Variants in ATF7IP observed in about 807,000 individuals in gnomAD.
The protein encoded by ATF7IP is activating transcription factor 7 interacting protein, also known as activating transcription factor 7-interacting protein 1.
ATF7IP carries 23 observed loss-of-function variants against 106.4 expected under a neutral mutation model. The ratio of observed to expected loss-of-function variants is 0.22; its 90% confidence interval spans 0.16 to 0.31. ATF7IP has a LOEUF of 0.31. ATF7IP is among the 10% of genes least tolerant of loss of function. The pLI is 1.00. For missense variants in ATF7IP, 1,334 were observed against 1,524.3 expected (o/e 0.88, Z 2.08); for synonymous variants, 542 against 539.0 (o/e 1.01, Z -0.08).
chr12:14,421,192 C>T (rs1565495437), intron 1 of ATF7IP, among the ~76,000 whole-genome samples: 1 of 152,036 alleles, frequency 6.6e-6, no homozygotes, highest in Admixed American at 6.6e-5. Context: ...AGTAAGTTTC[C>T]TTGTATTCTT....
chr12:14,435,145 A>G (rs1942344210), intron 3 of ATF7IP, among the ~76,000 whole-genome samples: 1 of 151,922 alleles, frequency 6.6e-6, no homozygotes, highest in African/African-American at 2.4e-5. Context: ...GAAGGAAGGA[A>G]GGAAGGAAAA....
In ATF7IP at chr12:14,425,316, G is replaced by A. The variant is rs758800040; in HGVS notation, c.1401G>A (p.Leu467=). Residue 467 remains leucine, a synonymous_variant, in exon 2 of 15, where the codon TTG becomes TTA. Transcript: ENST00000261168. The part of the protein sequence containing the change: ...LLPIDETNPD[L]EEKMESSFGS... Reference sequence around the variant, plus strand: ...CAATCGATGAGACAAATCCAGATTTGGAAGAGAAAATGGAAAGTTCTTTTG... The same window carrying A: ...CAATCGATGAGACAAATCCAGATTTAGAAGAGAAAATGGAAAGTTCTTTTG... 1.1e-5 allele frequency: 18 copies of A among 1,608,606 alleles called. No individual in the cohort carries two copies. The highest frequency in any genetic ancestry group is 4.0e-5 in the African/African-American group (3 of 74,528).
intron 1 of ATF7IP, among the ~76,000 whole-genome samples, chr12:14,401,831 A>C (rs2136465527): frequency 6.8e-6 from 1 of 147,034 alleles, no homozygotes; most frequent in South Asian, 2.1e-4. Flanking sequence ...CTCCTGCCTC[A>C]GCCTCCCGAG....
chr12:14,476,791 G>T (rs1944278551), intron 11 of ATF7IP, among the ~76,000 whole-genome samples: 1 of 152,092 alleles, frequency 6.6e-6, no homozygotes, highest in African/African-American at 2.4e-5. Flanking sequence ...AAAAATAGAA[G>T]TAATTTCTAA....
chr12:14,456,672 A>G, intron 7 of ATF7IP, 38 bp downstream of exon 7: 2 of 1,382,200 alleles, frequency 1.4e-6, no homozygotes, highest in East Asian at 2.3e-5. Flanking sequence ...TAAAAACAGA[A>G]CAAAGTTCTA....
At chr12:14,458,202 C>T (rs1243258823) in intron 8 of ATF7IP, among the ~76,000 whole-genome samples, 5 of 151,626 alleles carry the variant, frequency 3.3e-5, no homozygotes, top group African/African-American at 4.8e-5. Flanking sequence ...ATTTTCCAAG[C>T]TTAAAAATAG....
chr12:14,446,069 G>A (rs1942941248), intron 5 of ATF7IP, among the ~76,000 whole-genome samples: 1 of 151,874 alleles, frequency 6.6e-6, no homozygotes, highest in South Asian at 2.1e-4. Context: ...ATGTGATCAG[G>A]GAGTTTGTAT....
intron 6 of ATF7IP, among the ~76,000 whole-genome samples, chr12:14,448,910 A>T (rs976811190): frequency 1.3e-5 from 2 of 152,090 alleles, no homozygotes; most frequent in African/African-American, 4.8e-5. Flanking sequence ...AGTGATGTTG[A>T]GCATCTTTTC....
At chr12:14,413,838 A>T (rs910048376) in intron 1 of ATF7IP, among the ~76,000 whole-genome samples, 1 of 152,158 alleles carries the variant, frequency 6.6e-6, no homozygotes, top group East Asian at 1.9e-4. Flanking sequence ...ATAAACATCA[A>T]ATTCAAGATT....
chr12:14,498,701 G>T lies in ATF7IP; in HGVS notation c.*628G>T, dbSNP rs1360079376. The T allele has an allele frequency of 2.6e-5, 4 of 152,366 alleles. No homozygotes were observed. The highest frequency in any genetic ancestry group is 5.9e-5 in the Non-Finnish European group (4 of 68,000). 9.4% of individuals were successfully genotyped at this position (152,366 alleles called of 1,614,324 possible). A position where few individuals can be genotyped will look rare whatever the true frequency, so the allele number is the denominator to read the frequency against. On this transcript the variant is annotated 3_prime_UTR_variant, in exon 15 of 15. Coordinates refer to ENST00000261168, the MANE Select transcript of ATF7IP (RefSeq NM_018179.5). Reference sequence around the variant, plus strand: ...CTAATCTGGCTTTTACATTTATTTTGTGCCTTAAAGATTAACTACAAAGAT... The same window carrying T: ...CTAATCTGGCTTTTACATTTATTTTTTGCCTTAAAGATTAACTACAAAGAT...
intron 5 of ATF7IP, among the ~76,000 whole-genome samples, chr12:14,444,231 C>T (rs1942848006): frequency 6.6e-6 from 1 of 152,184 alleles, no homozygotes; most frequent in Non-Finnish European, 1.5e-5. Flanking sequence ...TTCCTTTCAG[C>T]CTCGGCTCCT....
intron 10 of ATF7IP, among the ~76,000 whole-genome samples, chr12:14,466,926 CATCTTTTTTAAGAGTGTCTCA>C (rs1191621566): frequency 1.3e-5 from 2 of 152,068 alleles, no homozygotes; most frequent in Non-Finnish European, 2.9e-5. Flanking sequence ...CTTCCAGGTA[CATCTTTTTTAAGAGTGTCTCA>C]TTGGTTTACC....
chr12:14,468,578 T>A (rs947374269), intron 10 of ATF7IP, among the ~76,000 whole-genome samples: 1 of 151,542 alleles, frequency 6.6e-6, no homozygotes, highest in Admixed American at 6.6e-5. Flanking sequence ...AAGCTCTCAA[T>A]AGATATTTTA....
chr12:14,460,821 A>G lies in ATF7IP; in HGVS notation c.2485A>G (p.Thr829Ala). The G allele has an allele frequency of 2.5e-6, 4 of 1,614,188 alleles. No homozygotes were observed. Among genetic ancestry groups the G allele is most frequent in the Non-Finnish European group, 3.4e-6 (4 of 1,180,030 alleles). Reference sequence around the variant, plus strand: ...AAGCCCACCTACAGTGAGTGGTCTTACCAAAAATCCAGTATCCTTGCCATC... The same window carrying G: ...AAGCCCACCTACAGTGAGTGGTCTTGCCAAAAATCCAGTATCCTTGCCATC... The part of the protein sequence containing the change: ...VQSPPTVSGL[T>A]KNPVSLPSLP... The change falls in exon 9 of 15, where the codon ACC becomes GCC. Residue 829 changes from threonine to alanine, a missense_variant. Thr to Ala is a moderately conservative substitution (Grantham distance 58). Around this residue, in one of 10 missense-constraint regions of ATF7IP, gnomAD observed 370 missense variants for 401.2 expected, o/e 0.92. Transcript: ENST00000261168.
intron 12 of ATF7IP, among the ~76,000 whole-genome samples, chr12:14,480,070 G>A (rs1247745840): frequency 6.6e-6 from 1 of 151,998 alleles, no homozygotes; most frequent in Non-Finnish European, 1.5e-5. Context: ...GACTCACATC[G>A]AAAGTTAGTA....
Position 14,412,420 on chromosome 12 carries a change from C to A in ATF7IP, c.-7-11489C>A, listed in dbSNP as rs78391003. Among the ~76,000 whole-genome samples, 376 of 152,000 alleles carry A rather than the reference C, an allele frequency of 2.5e-3. 7 individuals carry two copies. In the East Asian group the frequency reaches 0.06, roughly 24 times the overall value. On this transcript the variant is annotated intron_variant, in intron 1 of 14. Transcript: ENST00000261168. ...AGTCTTTTGATTCATGAGTATGGAA[C>A]GTCTTTTATTTATTTATGTCTTTAA...
chr12:14,432,956 T>C (rs1942214171), intron 2 of ATF7IP, among the ~76,000 whole-genome samples: 1 of 152,234 alleles, frequency 6.6e-6, no homozygotes, highest in African/African-American at 2.4e-5. Context: ...CATTGATTGA[T>C]TGACCAAAAG....
At chr12:14,418,477 A>G (rs1941318231) in intron 1 of ATF7IP, among the ~76,000 whole-genome samples, 2 of 152,170 alleles carry the variant, frequency 1.3e-5, no homozygotes, top group Non-Finnish European at 2.9e-5. Context: ...TATTTTATAG[A>G]ATAGTTTTAT....
chr12:14,485,738 G>A (rs1218740219), intron 13 of ATF7IP, among the ~76,000 whole-genome samples: 1 of 152,190 alleles, frequency 6.6e-6, no homozygotes, highest in Non-Finnish European at 1.5e-5. Flanking sequence ...GTCAATGGCT[G>A]CACACCAGGT....
Sources: allele counts gnomAD v4.1 joint callset (sites outside exome capture counted in the v4.1 genomes callset), GRCh38; gene constraint gnomAD v4.1.1; regional missense constraint gnomAD v4.1.1; transcripts MANE v1.5; gene names NCBI Gene and HGNC (gene_info 2026-07-23, HGNC 2026-07-21).